Variants in DCBLD1 observed in about 807,000 individuals in gnomAD.
The protein encoded by DCBLD1 is discoidin, CUB and LCCL domain containing 1.
A neutral mutation model predicts 71.5 loss-of-function variants in DCBLD1; 57 were observed. The ratio of observed to expected loss-of-function variants is 0.80; its 90% CI spans 0.64 to 0.99. The LOEUF (loss-of-function observed/expected upper bound fraction) is 0.99, where lower values mean the gene tolerates loss of function less well. Among genes scored for constraint, DCBLD1 ranks in the 50% least tolerant of loss-of-function variants. DCBLD1 has a pLI of 0.00. For synonymous variants in DCBLD1, 380 were observed against 363.8 expected (o/e 1.04, Z -0.51); for missense variants, 891 against 923.5 (o/e 0.96, Z 0.46).
rs764542587 is a variant in DCBLD1 at position 117,544,590 on chromosome 6, C to T, written c.1495+13C>T. On this transcript the variant is annotated intron_variant, in intron 13 of 14. Coordinates refer to ENST00000338728, the MANE Select transcript of DCBLD1 (RefSeq NM_001366458.2). ...GCTCAGAAAACAGGTTGGTTGAAAA[C>T]TCTATCTACAATTTTATCTGTCTTT... The T allele has an allele frequency of 2.5e-5, 40 of 1,613,748 alleles. No homozygotes were observed. Among genetic ancestry groups the T allele is most frequent in the Non-Finnish European group, 3.4e-5 (40 of 1,179,892 alleles).
chr6:117,506,554 C>T (rs570100688), intron 2 of DCBLD1, among the ~76,000 whole-genome samples: 1 of 152,320 alleles, frequency 6.6e-6, no homozygotes, highest in East Asian at 1.9e-4. Flanking sequence ...CTAACCAGAC[C>T]TATATTTTAA....
At position 117,548,224 on chromosome 6, in the gene DCBLD1, GT is replaced by G. The variant is rs1414993920; in HGVS notation, c.1934del (p.Val645GlyfsTer67). ...GGGCGGCTTCTCCCCCGTAGCGGGT[GT>G]GGGCGCCCAGGACGGAGACTATCAA... ...SSGGFSPVAG[V>X]GAQDGDYQRP... On this transcript the variant is annotated frameshift_variant, in exon 15 of 15. Coordinates refer to ENST00000338728, the MANE Select transcript of DCBLD1 (RefSeq NM_001366458.2). LOFTEE classifies it low-confidence loss of function (END_TRUNC). 1.9e-6 allele frequency: 3 copies of G among 1,550,448 alleles called. No individual in the cohort carries two copies. In the African/African-American group the frequency reaches 4.1e-5, roughly 21 times the overall value.
rs142084786 is a variant in DCBLD1 at position 117,560,672 on chromosome 6, C to A, written c.1616-8948C>A. ...ATTTATTTTAACAATAGTCTCACCA[C>A]CAAAATGTTGCTTTTCCATCATATT... is the stretch of plus-strand genomic sequence containing the variant. On this transcript the variant is annotated intron_variant, in intron 14 of 14. Coordinates refer to the DCBLD1 transcript ENST00000296955. The A allele has an allele frequency of 1.4e-4, 28 of 196,666 alleles. No individual in the cohort carries two copies. The East Asian group carries it at 2.1e-3, about 15-fold the overall frequency. The allele number at this position is 196,666 out of a possible 1,614,324, so 12.2% of individuals were successfully genotyped here.
At chr6:117,530,806 A>G (rs1295671473) in intron 5 of DCBLD1, among the ~76,000 whole-genome samples, 3 of 152,174 alleles carry the variant, frequency 2.0e-5, no homozygotes, top group African/African-American at 7.2e-5. Context: ...AAAATTCAGG[A>G]ACAATATACA....
chr6:117,549,278 A>C lies in DCBLD1; in HGVS notation c.*839A>C. 1.0e-6 allele frequency: 1 copy of C among 985,452 alleles called. No homozygotes were observed. The highest frequency in any genetic ancestry group is 1.2e-6 in the Non-Finnish European group (1 of 829,932). 61.0% of individuals were successfully genotyped at this position (985,452 alleles called of 1,614,324 possible). A position where few individuals can be genotyped will look rare whatever the true frequency, so the allele number is the denominator to read the frequency against. On this transcript the variant is annotated 3_prime_UTR_variant, in exon 15 of 15. Coordinates refer to ENST00000338728, the MANE Select transcript of DCBLD1 (RefSeq NM_001366458.2). ...CACAATTTTCATGACTTTCTTCAGA[A>C]GTAGCACATTTTCGTGACTTCCGCT...
chr6:117,495,925 A>G (rs1334957384), intron 1 of DCBLD1, among the ~76,000 whole-genome samples: 1 of 152,232 alleles, frequency 6.6e-6, no homozygotes, highest in Non-Finnish European at 1.5e-5. Context: ...ATAGGGAATC[A>G]TAGAGGAATC....
chr6:117,532,461 C>G, intron 6 of DCBLD1, 68 bp downstream of exon 6: 10 of 1,470,510 alleles, frequency 6.8e-6, no homozygotes, highest in Non-Finnish European at 9.0e-6. Flanking sequence ...TTAACCAGCT[C>G]ACAACTTTGA....
intron 3 of DCBLD1, 152 bp downstream of exon 3, chr6:117,520,102 G>A (rs908073982): frequency 7.9e-7 from 1 of 1,266,972 alleles, no homozygotes; most frequent in African/African-American, 1.5e-5. Context: ...TAAATGGTTA[G>A]GTCTGAACTG....
chr6:117,487,484 A>G (rs1777130583), intron 1 of DCBLD1, among the ~76,000 whole-genome samples: 1 of 152,062 alleles, frequency 6.6e-6, no homozygotes, highest in Non-Finnish European at 1.5e-5. Flanking sequence ...AAAACTAGCC[A>G]GGTGTCGTGG....
intron 2 of DCBLD1, among the ~76,000 whole-genome samples, chr6:117,509,683 G>A (rs1777953498): frequency 6.6e-6 from 1 of 151,812 alleles, no homozygotes; most frequent in African/African-American, 2.4e-5. Flanking sequence ...TGTCTAAGAT[G>A]TGCCCTTGTT....
chr6:117,509,137 T>G (rs1368919883), intron 2 of DCBLD1, among the ~76,000 whole-genome samples: 1 of 152,168 alleles, frequency 6.6e-6, no homozygotes, highest in African/African-American at 2.4e-5. Context: ...TTCCCTCATA[T>G]TTAAAATGGG....
intron 3 of DCBLD1, 137 bp downstream of exon 3, chr6:117,520,087 C>CT: frequency 7.2e-7 from 1 of 1,380,718 alleles, no homozygotes; most frequent in Non-Finnish European, 9.8e-7. Flanking sequence ...AACATGGTAT[C>CT]TTTGTAAATG....
intron 9 of DCBLD1, 36 bp downstream of exon 9, chr6:117,539,415 G>C: frequency 1.3e-6 from 2 of 1,569,516 alleles, no homozygotes; most frequent in East Asian, 4.6e-5. Flanking sequence ...GAACTGAGTA[G>C]GAGAACAGGC....
Position 117,538,817 on chromosome 6 carries a change from G to A in DCBLD1, c.958G>A (p.Glu320Lys), listed in dbSNP as rs1320375153. 17 of 1,613,086 alleles carry A rather than the reference G, an allele frequency of 1.1e-5. No homozygotes were observed. In the Admixed American group the frequency reaches 2.2e-4, roughly 21 times the overall value. ...PREWLEIDLG[E>K]KKKITGIRTT... ...AGAGTGGCTGGAGATCGATTTGGGG[G>A]AGAAAAAGAAAATAACAGGTGCAGA... Residue 320 changes from glutamate to lysine, a missense_variant, in exon 8 of 15, where the codon GAG becomes AAG. Physicochemically the swap from Glu to Lys is moderately conservative, Grantham distance 56 (BLOSUM62 1). Transcript: ENST00000338728.
intron 14 of DCBLD1, among the ~76,000 whole-genome samples, chr6:117,558,068 C>A (rs1779518625): frequency 1.3e-5 from 2 of 152,162 alleles, no homozygotes; most frequent in African/African-American, 2.4e-5. Context: ...GACCAACAGT[C>A]CAGTAGAGAT....
At chr6:117,493,409 A>G (rs1217282605) in intron 1 of DCBLD1, among the ~76,000 whole-genome samples, 1 of 152,198 alleles carries the variant, frequency 6.6e-6, no homozygotes, top group East Asian at 1.9e-4. Context: ...TGGAAGTAAA[A>G]TAGGCACCTC....
downstream of DCBLD1, among the ~76,000 whole-genome samples, chr6:117,550,133 A>G (rs2114583020): frequency 6.6e-6 from 1 of 152,330 alleles, no homozygotes; most frequent in South Asian, 2.1e-4. Context: ...ATATTGGAAT[A>G]TTAGACCATA....
In DCBLD1 at chr6:117,544,551, A is replaced by G; in HGVS notation, c.1469A>G (p.Tyr490Cys). The G allele has an allele frequency of 1.2e-6, 2 of 1,614,072 alleles. No individual in the cohort carries two copies. Among genetic ancestry groups the G allele is most frequent in the Non-Finnish European group, 1.7e-6 (2 of 1,180,012 alleles). The change falls in exon 13 of 15, where the codon TAT (tyrosine) becomes TGT (cysteine). Residue 490 changes from tyrosine to cysteine, a missense_variant. Physicochemically the swap from Tyr to Cys is radical, Grantham distance 194. Coordinates refer to ENST00000338728, the MANE Select transcript of DCBLD1 (RefSeq NM_001366458.2). ...FRKKKKKGSP[Y>C]GSAEAQKTDC... ...AGGAAGAAGAAGAAAGGAAGTCCGT[A>G]TGGATCAGCAGAGGCTCAGAAAACA...
chr6:117,548,138 C>G lies in DCBLD1; in HGVS notation c.1847C>G (p.Ser616Cys). 1 of 1,550,108 alleles carries G rather than the reference C, an allele frequency of 6.5e-7. No individual in the cohort carries two copies. The highest frequency in any genetic ancestry group is 8.7e-7 in the Non-Finnish European group (1 of 1,146,764). Residue 616 changes from serine (S) to cysteine (C), a missense_variant, in exon 15 of 15, where the codon TCT (serine) becomes TGT (cysteine). Coordinates refer to ENST00000338728, the MANE Select transcript of DCBLD1 (RefSeq NM_001366458.2). ...ERHVLRAHTF[S>C]AQSGYRVPGP... ...CACGTGCTGCGCGCCCACACGTTCT[C>G]TGCGCAGAGCGGCTACCGCGTCCCA...
Sources: gnomAD v4.1 joint callset for allele counts (sites outside exome capture counted in the v4.1 genomes callset) on GRCh38, gnomAD v4.1.1 for gene constraint, MANE v1.5 for transcripts, NCBI Gene and HGNC (gene_info 2026-07-23, HGNC 2026-07-21) for gene names.